AGBL5: variants seen among roughly 807,000 people sequenced by gnomAD.
AGBL5 encodes AGBL carboxypeptidase 5.
AGBL5 carries 51 observed loss-of-function variants against 88.0 expected under a neutral mutation model. That is an observed-to-expected ratio of 0.58 (90% CI 0.46 to 0.73). AGBL5 has a LOEUF of 0.73. Ranked by LOEUF, AGBL5 falls within the 30% of genes least tolerant of loss-of-function variation. The pLI is 0.00. For synonymous variants in AGBL5, 446 were observed against 438.8 expected, an observed-to-expected ratio of 1.02 and a Z score of -0.21; for missense variants, 1,031 against 1,162.2, an observed-to-expected ratio of 0.89 and a Z score of 1.64.
chr2:27,066,935 T>G (rs1441085986), intron 11 of AGBL5, among the ~76,000 whole-genome samples: 1 of 151,690 alleles, frequency 6.6e-6, no homozygotes, highest in Non-Finnish European at 1.5e-5. Flanking sequence ...ATACAAAAAT[T>G]AGCCAGGCAT....
chr2:27,062,813 G>C (rs1303666304), intron 11 of AGBL5: 1 of 152,304 alleles, frequency 6.6e-6, no homozygotes, highest in Non-Finnish European at 1.5e-5. Flanking sequence ...GAACAGAGCT[G>C]GTGGGTGGAG....
At chr2:27,056,867 A>G (rs1668457135) in intron 8 of AGBL5, 75 bp downstream of exon 8, 18 of 1,452,596 alleles carry the variant, frequency 1.2e-5, no homozygotes, top group Non-Finnish European at 1.4e-5. Flanking sequence ...GTGGTGGTGC[A>G]TGCTTGTAAT....
At chr2:27,067,294 G>A (rs1216731628) in intron 11 of AGBL5, among the ~76,000 whole-genome samples, 200 bp from the exon 12 acceptor site, 2 of 150,510 alleles carry the variant, frequency 1.3e-5, no homozygotes, top group African/African-American at 4.9e-5. Context: ...ATGAAGGCTG[G>A]TGGAGAATGG....
intron 14 of AGBL5, 179 bp downstream of exon 14, chr2:27,069,885 C>G: frequency 1.0e-5 from 10 of 985,420 alleles, no homozygotes; most frequent in Non-Finnish European, 1.2e-5. Flanking sequence ...AGTCTTCAAT[C>G]CAAAGCAAAA....
intron 9 of AGBL5, 55 bp from the exon 10 acceptor site, chr2:27,058,345 G>A: frequency 6.3e-7 from 1 of 1,598,858 alleles, no homozygotes; most frequent in Admixed American, 1.7e-5. Context: ...CCACCCCAAG[G>A]TAGCAGCCTG....
chr2:27,052,917 C>A lies in AGBL5; in HGVS notation c.-42C>A. The A allele has an allele frequency of 6.6e-7, 1 of 1,505,956 alleles. No homozygotes were observed. Among genetic ancestry groups the A allele is most frequent in the South Asian group, 1.3e-5 (1 of 75,890 alleles). 93.3% of individuals were successfully genotyped at this position (1,505,956 alleles called of 1,614,324 possible). Reference sequence around the variant, plus strand: ...CTAACCCTTGTTTTCCCCCAGCTCTCAGGGCCAGAGCGGGGCAGGAGGATG... The same window carrying A: ...CTAACCCTTGTTTTCCCCCAGCTCTAAGGGCCAGAGCGGGGCAGGAGGATG... On this transcript the variant is annotated 5_prime_UTR_variant, in exon 2 of 15. Coordinates refer to ENST00000360131, the MANE Select transcript of AGBL5 (RefSeq NM_021831.6).
rs752021415 is a variant in AGBL5, at chr2:27,053,114, T to C, written c.156T>C (p.Tyr52=). ...GTGGCATTGCCTCTTCCCCTGACTA[T>C]GAATTCAACGTGTGGACCCGACCAG... is the stretch of plus-strand genomic sequence containing the variant. The part of the protein sequence containing the change: ...LTSGIASSPD[Y]EFNVWTRPDC... Residue 52 remains tyrosine (Y), a synonymous_variant, in exon 2 of 15, where the codon TAT becomes TAC. Transcript: ENST00000360131. This position sits in a 1 kb window ranked among gnomAD's most constrained non-coding sequence, Gnocchi z 4.9. The C allele has an allele frequency of 3.1e-6, 5 of 1,612,752 alleles. No individual in the cohort carries two copies. In the Admixed American group the frequency reaches 5.0e-5, roughly 16 times the overall value.
At chr2:27,059,134 A>G in intron 10 of AGBL5, 56 bp from the exon 11 acceptor site, 1 of 1,523,380 alleles carries the variant, frequency 6.6e-7, no homozygotes, top group Non-Finnish European at 9.0e-7. Context: ...ATCCTAGGGA[A>G]AGCCTTAGGA....
intron 14 of AGBL5, 150 bp from the exon 15 acceptor site, chr2:27,069,942 C>T (rs966456016): frequency 6.1e-6 from 9 of 1,485,664 alleles, no homozygotes; most frequent in African/African-American, 4.2e-5. Context: ...CTGGCTGGTT[C>T]CAGCGTCAAA....
chr2:27,058,659 G>C (rs1160096398), intron 10 of AGBL5, 57 bp downstream of exon 10: 1 of 1,572,000 alleles, frequency 6.4e-7, no homozygotes, highest in Non-Finnish European at 8.7e-7. Flanking sequence ...GGGCTCTAGA[G>C]CTAGGAGTTC....
rs1436171355 is a variant in AGBL5, at chr2:27,058,490, A to G, written c.1762A>G (p.Asn588Asp). ...ACTGTCAGAGCACAGCAGCCTTACTAATCTACGGGCCTGGATGCTGAAACA... is the reference window on the plus strand; with the variant it reads ...ACTGTCAGAGCACAGCAGCCTTACTGATCTACGGGCCTGGATGCTGAAACA... Reference protein sequence around the residue: ...IVLSEHSSLTNLRAWMLKHVR... With the variant: ...IVLSEHSSLTDLRAWMLKHVR... Residue 588 changes from asparagine (N) to aspartate (D), a missense_variant, in exon 10 of 15, where the codon AAT becomes GAT. This residue lies in a region of AGBL5 where 491 missense variants were observed against 484.0 expected (regional missense o/e 1.01). Coordinates refer to ENST00000360131, the MANE Select transcript of AGBL5 (RefSeq NM_021831.6). 15 of 1,614,054 alleles carry G rather than the reference A, an allele frequency of 9.3e-6. No individual in the cohort carries two copies. The highest frequency in any genetic ancestry group is 1.3e-5 in the Non-Finnish European group (15 of 1,180,048).
intron 11 of AGBL5, 115 bp downstream of exon 11, chr2:27,059,519 A>G (rs1668605652): frequency 4.5e-6 from 7 of 1,545,484 alleles, no homozygotes; most frequent in Non-Finnish European, 6.1e-6. Context: ...AATCAATAAA[A>G]TTAGTTTGTA....
chr2:27,058,385 T>C lies in AGBL5; in HGVS notation c.1672-15T>C. The C allele has an allele frequency of 1.9e-6, 3 of 1,612,530 alleles. No homozygotes were observed. Among genetic ancestry groups the C allele is most frequent in the South Asian group, 1.1e-5 (1 of 90,996 alleles). On this transcript the variant is annotated splice_polypyrimidine_tract_variant and intron_variant, in intron 9 of 14. Transcript: ENST00000360131. The stretch of plus-strand genomic sequence containing the variant: ...GGAGGACCAGCATGCTGAGCCAAAC[T>C]GGACTACCCCACAGGTGGGACGAGC...
At chr2:27,059,468 AAG>A in intron 11 of AGBL5, 64 bp downstream of exon 11, 1 of 1,603,360 alleles carries the variant, frequency 6.2e-7, no homozygotes, top group Non-Finnish European at 8.5e-7. Context: ...TGGGGGAAGT[AAG>A]AGCTTGAAGA....
chr2:27,053,387 T>C lies in AGBL5; in HGVS notation c.216-15T>C, dbSNP rs751803971. 117 of 1,613,376 alleles carry C rather than the reference T, an allele frequency of 7.3e-5. No homozygotes were observed. The highest frequency in any genetic ancestry group is 9.2e-5 in the Non-Finnish European group (109 of 1,179,604). On this transcript the variant is annotated splice_polypyrimidine_tract_variant and intron_variant, in intron 2 of 14. Coordinates refer to ENST00000360131, the MANE Select transcript of AGBL5 (RefSeq NM_021831.6). This position sits in a 1 kb window ranked among gnomAD's most constrained non-coding sequence, Gnocchi z 4.9. The stretch of plus-strand genomic sequence containing the variant: ...CTTCCACACGTAATGACCTCTCTCT[T>C]ACTCTGGTCCTCAGGTCATGGTTCT...
At chr2:27,057,128 C>G (rs1458165043) in intron 8 of AGBL5, 175 bp from the exon 9 acceptor site, 8 of 652,442 alleles carry the variant, frequency 1.2e-5, no homozygotes, top group African/African-American at 1.8e-5. Flanking sequence ...GGGGGACTCT[C>G]TGGGTATATG....
At position 27,053,292 on chromosome 2, in the gene AGBL5, T is replaced by C. The variant is rs1668267353; in HGVS notation, c.216-110T>C. On this transcript the variant is annotated intron_variant, in intron 2 of 14. Coordinates refer to ENST00000360131, the MANE Select transcript of AGBL5 (RefSeq NM_021831.6). The surrounding 1 kb of genome is among the most constrained non-coding windows in gnomAD (Gnocchi z 4.9). ...TCCATTTCTGACCCATCGTCCCTCC[T>C]TTCTCCTTGCCAAATAGCCCTTTCC... 1.3e-6 allele frequency: 2 copies of C among 1,531,108 alleles called. No individual in the cohort carries two copies. The highest frequency in any genetic ancestry group is 1.8e-6 in the Non-Finnish European group (2 of 1,130,068). The allele number at this position is 1,531,108 out of a possible 1,614,324, so 94.8% of individuals were successfully genotyped here.
chr2:27,069,607 C>G lies in AGBL5; in HGVS notation c.2390C>G (p.Thr797Ser), dbSNP rs1211037151. 3 of 1,614,218 alleles carry G rather than the reference C, an allele frequency of 1.9e-6. No individual in the cohort carries two copies. Among genetic ancestry groups the G allele is most frequent in the Admixed American group, 1.7e-5 (1 of 60,026 alleles). ...RPRLGRGSPP[T>S]RRGMKGSSGP... ...AGGTTGGGCCGGGGCTCACCGCCGA[C>G]TCGCAGAGGGATGAAAGGCTCTTCA... Residue 797 changes from threonine (T) to serine (S), a missense_variant, in exon 14 of 15, where the codon ACT becomes AGT. Coordinates refer to ENST00000360131, the MANE Select transcript of AGBL5 (RefSeq NM_021831.6).
In AGBL5 at chr2:27,054,627, T is replaced by C. The variant is rs781446799; in HGVS notation, c.552-3T>C. The C allele has an allele frequency of 1.9e-6, 3 of 1,611,766 alleles. No homozygotes were observed. In the South Asian group the frequency reaches 3.3e-5, roughly 18 times the overall value. On this transcript the variant is annotated splice_region_variant and splice_polypyrimidine_tract_variant and intron_variant, in intron 4 of 14. Coordinates refer to ENST00000360131, the MANE Select transcript of AGBL5 (RefSeq NM_021831.6). ...TCCTGGCTTAATTTTTTTTTCCCTGTAGCCCCCTGGATACCATCTATTACC... is the reference window on the plus strand; with the variant it reads ...TCCTGGCTTAATTTTTTTTTCCCTGCAGCCCCCTGGATACCATCTATTACC...
Sources: allele counts gnomAD v4.1 joint callset (sites outside exome capture counted in the v4.1 genomes callset), GRCh38; gene constraint gnomAD v4.1.1; regional missense constraint gnomAD v4.1.1; non-coding constraint Gnocchi (gnomAD v3.1); transcripts MANE v1.5; gene names NCBI Gene and HGNC (gene_info 2026-07-23, HGNC 2026-07-21).